Variants in TTC17 observed in about 807,000 individuals in gnomAD.
The protein encoded by TTC17 is tetratricopeptide repeat protein 17.
In TTC17, 58 loss-of-function variants were observed where a neutral mutation model predicts 143.8. The observed-to-expected ratio is 0.40, with a 90% CI of 0.33 to 0.50. The LOEUF is 0.50. TTC17 is among the 20% of genes least tolerant of loss of function. The probability of loss-of-function intolerance (pLI) is 0.49; values close to 1 mark genes in which losing one functional copy is unlikely to be tolerated. For synonymous variants in TTC17, 501 were observed against 497.8 expected, an observed-to-expected ratio of 1.01 and a Z score of -0.09; for missense variants, 1,273 against 1,392.5, an observed-to-expected ratio of 0.91 and a Z score of 1.37.
At chr11:43,421,335 G>A (rs1330714734) in intron 16 of TTC17, among the ~76,000 whole-genome samples, 1 of 152,188 alleles carries the variant, frequency 6.6e-6, no homozygotes, top group African/African-American at 2.4e-5. Context: ...TGGTGGAGAT[G>A]TAGGAGATGA....
chr11:43,472,183 T>C (rs1795956293), intron 21 of TTC17, among the ~76,000 whole-genome samples: 1 of 151,936 alleles, frequency 6.6e-6, no homozygotes, highest in African/African-American at 2.4e-5. Context: ...AGAGACCATC[T>C]CTACTAAAAA....
chr11:43,447,841 G>A (rs1947577468), intron 18 of TTC17, 161 bp from the exon 19 acceptor site: 5 of 803,182 alleles, frequency 6.2e-6, no homozygotes, highest in East Asian at 2.7e-5. Context: ...GCATAATGAC[G>A]AGATTTTAAT....
intron 21 of TTC17, among the ~76,000 whole-genome samples, chr11:43,462,923 T>C: frequency 7.2e-6 from 1 of 139,724 alleles, no homozygotes; most frequent in East Asian, 1.9e-4. Flanking sequence ...ACAAAATTCT[T>C]TTTTTTTTTT....
At chr11:43,419,191 T>G (rs1038432349) in intron 16 of TTC17, among the ~76,000 whole-genome samples, 2 of 152,232 alleles carry the variant, frequency 1.3e-5, no homozygotes, top group African/African-American at 4.8e-5. Flanking sequence ...TGAATAAATA[T>G]TATGCAGAAG....
chr11:43,388,164 TC>T (rs1298606160), intron 2 of TTC17, among the ~76,000 whole-genome samples: 2 of 150,170 alleles, frequency 1.3e-5, no homozygotes, highest in Non-Finnish European at 3.0e-5. Flanking sequence ...AGAAAGTTTT[TC>T]TTAAAGAAGC....
intron 21 of TTC17, among the ~76,000 whole-genome samples, chr11:43,482,258 G>GTT (rs376372616): frequency 2.1e-5 from 3 of 142,334 alleles, no homozygotes; most frequent in African/African-American, 5.2e-5. Context: ...GTTTTTAATA[G>GTT]TTTTTTTTTT....
intron 3 of TTC17, among the ~76,000 whole-genome samples, chr11:43,391,094 T>C (rs1590343328): frequency 6.6e-6 from 1 of 151,936 alleles, no homozygotes; most frequent in Non-Finnish European, 1.5e-5. Context: ...TGGGGAAAAT[T>C]TGACATTTCT....
At chr11:43,377,608 G>A (rs1856810515) in intron 1 of TTC17, among the ~76,000 whole-genome samples, 1 of 152,146 alleles carries the variant, frequency 6.6e-6, no homozygotes, top group Admixed American at 6.6e-5. Flanking sequence ...AAACACAGCT[G>A]TCAGTGAACT....
intron 21 of TTC17, among the ~76,000 whole-genome samples, chr11:43,458,564 T>A (rs1055402618): frequency 2.6e-5 from 4 of 152,090 alleles, no homozygotes; most frequent in Non-Finnish European, 4.4e-5. Flanking sequence ...CAGATAGAAT[T>A]TTAGGGCATC....
chr11:43,405,187 C>T (rs1858059514), intron 11 of TTC17, among the ~76,000 whole-genome samples: 1 of 150,156 alleles, frequency 6.7e-6, no homozygotes, highest in African/African-American at 2.5e-5. Flanking sequence ...CCAGCAGCAA[C>T]TGGAACAACA....
intron 15 of TTC17, among the ~76,000 whole-genome samples, chr11:43,412,981 GACACACACACAC>G (rs57982323): frequency 0.013 from 1,823 of 140,430 alleles, 19 homozygotes; most frequent in African/African-American, 0.038. Flanking sequence ...ACCTAGAATA[GACACACACACAC>G]ACACACACAC....
chr11:43,427,869 C>T (rs2134669972), intron 16 of TTC17, among the ~76,000 whole-genome samples: 1 of 152,246 alleles, frequency 6.6e-6, no homozygotes, highest in Admixed American at 6.5e-5. Context: ...ATAGAATATT[C>T]TTTAATGGCA....
At chr11:43,388,183 A>C (rs72900918) in intron 2 of TTC17, among the ~76,000 whole-genome samples, 1 of 152,172 alleles carries the variant, frequency 6.6e-6, no homozygotes, top group Admixed American at 6.5e-5. Context: ...AGCAACATAA[A>C]TGTTTACAGG....
chr11:43,436,141 T>C, intron 16 of TTC17: 1 of 1,362,002 alleles, frequency 7.3e-7, no homozygotes, highest in Admixed American at 3.1e-5. Flanking sequence ...TAATGTGCTA[T>C]ATCTGTGTCT....
intron 16 of TTC17, among the ~76,000 whole-genome samples, chr11:43,422,824 C>CT (rs1430190319): frequency 2.6e-5 from 4 of 152,072 alleles, no homozygotes; most frequent in Admixed American, 6.6e-5. Flanking sequence ...GCAAGCAACT[C>CT]TTAAGTTTTG....
chr11:43,395,161 C>G (rs557757265), intron 5 of TTC17, among the ~76,000 whole-genome samples: 1 of 142,890 alleles, frequency 7.0e-6, no homozygotes. Context: ...AGTGCAGTGG[C>G]GCAATCTCAG....
At chr11:43,460,026 G>A (rs1435802216) in intron 21 of TTC17, among the ~76,000 whole-genome samples, 4 of 152,080 alleles carry the variant, frequency 2.6e-5, no homozygotes, top group African/African-American at 9.7e-5. Context: ...GGGAGCATCT[G>A]TAGTAGTAAC....
intron 7 of TTC17, 142 bp downstream of exon 7, chr11:43,397,633 A>T: frequency 1.0e-6 from 1 of 976,638 alleles, no homozygotes; most frequent in South Asian, 1.9e-5. Context: ...AGGAAGAAAA[A>T]TCCTCAACAC....
At chr11:43,417,598 G>A (rs563993213) in intron 16 of TTC17, among the ~76,000 whole-genome samples, 4 of 152,326 alleles carry the variant, frequency 2.6e-5, no homozygotes, top group East Asian at 1.9e-4. Flanking sequence ...CACTTTGGGA[G>A]ACCAAGGTAG....
Sources: allele counts gnomAD v4.1 joint callset (sites outside exome capture counted in the v4.1 genomes callset), GRCh38; gene constraint gnomAD v4.1.1; transcripts MANE v1.5; gene names NCBI Gene and HGNC (gene_info 2026-07-23, HGNC 2026-07-21).